The following ADGRL2 variants were observed in gnomAD, a reference collection of about 807,000 sequenced individuals.
ADGRL2 encodes the protein calcium-independent alpha-latrotoxin receptor 2.
Under a neutral mutation model 157.4 loss-of-function variants are expected in ADGRL2, and 44 were observed. The observed-to-expected ratio is 0.28, with a 90% CI of 0.22 to 0.36. The LOEUF is 0.36. Among genes scored for constraint, ADGRL2 ranks in the 10% least tolerant of loss-of-function variants. The probability of loss-of-function intolerance (pLI) is 1.00; values close to 1 mark genes in which losing one functional copy is unlikely to be tolerated. For synonymous variants in ADGRL2, 585 were observed against 624.7 expected (o/e 0.94, Z 0.95); for missense variants, 1,510 against 1,768.9 (o/e 0.85, Z 2.63).
chr1:81,341,038 CAT>C (rs1472892004), intron 1 of ADGRL2, among the ~76,000 whole-genome samples: 1 of 152,008 alleles, frequency 6.6e-6, no homozygotes, highest in African/African-American at 2.4e-5. Context: ...AAACCTATCA[CAT>C]GTCTAAGGTA....
chr1:81,810,499 T>C (rs575960944), intron 1 of ADGRL2, among the ~76,000 whole-genome samples: 42 of 152,012 alleles, frequency 2.8e-4, no homozygotes, highest in African/African-American at 9.9e-4. Context: ...TGATTAGAAA[T>C]TACAGAACAC....
chr1:81,644,521 C>G (rs1014075625), intron 3 of ADGRL2, among the ~76,000 whole-genome samples: 1 of 152,072 alleles, frequency 6.6e-6, no homozygotes, highest in African/African-American at 2.4e-5. Context: ...TAAAATTCAA[C>G]AATAAGAACA....
chr1:81,349,570 A>G (rs1403233800), intron 1 of ADGRL2, among the ~76,000 whole-genome samples: 1 of 132,756 alleles, frequency 7.5e-6, no homozygotes, highest in African/African-American at 2.9e-5. Flanking sequence ...ACCCCCACCT[A>G]TCTTGCACCA....
intron 1 of ADGRL2, among the ~76,000 whole-genome samples, chr1:81,761,077 A>G (rs61775262): frequency 0.14 from 21,608 of 151,822 alleles, 1,809 homozygotes; most frequent in South Asian, 0.21. Context: ...TTATTCTTCA[A>G]CAACAAAAAC....
chr1:81,540,900 G>A (rs180928999), intron 2 of ADGRL2, among the ~76,000 whole-genome samples: 221 of 152,082 alleles, frequency 1.5e-3, no homozygotes, highest in African/African-American at 5.2e-3. Context: ...TGAGACAAAG[G>A]GGTGGTAATA....
At chr1:81,744,713 A>G (rs532205146) in intron 1 of ADGRL2, among the ~76,000 whole-genome samples, 1 of 152,176 alleles carries the variant, frequency 6.6e-6, no homozygotes, top group Non-Finnish European at 1.5e-5. Flanking sequence ...TCTTATTACA[A>G]GGGACAGGAT....
chr1:81,410,120 T>G (rs1287449305), intron 1 of ADGRL2, among the ~76,000 whole-genome samples: 3 of 152,240 alleles, frequency 2.0e-5, no homozygotes, highest in African/African-American at 7.2e-5. Flanking sequence ...CTTTCTATTA[T>G]TATGACATCT....
At chr1:81,966,648 A>G in intron 13 of ADGRL2, 39 bp downstream of exon 13, 3 of 1,583,408 alleles carry the variant, frequency 1.9e-6, no homozygotes, top group East Asian at 2.2e-5. Flanking sequence ...GGAAGGTTAT[A>G]AAAGCAGAAA....
chr1:81,420,609 T>G (rs1279963418), intron 1 of ADGRL2, among the ~76,000 whole-genome samples: 1 of 152,222 alleles, frequency 6.6e-6, no homozygotes, highest in African/African-American at 2.4e-5. Flanking sequence ...TGCAGAGTGA[T>G]GTTAACACAA....
At chr1:81,710,993 A>G (rs554063513) in intron 1 of ADGRL2, among the ~76,000 whole-genome samples, 7 of 152,302 alleles carry the variant, frequency 4.6e-5, no homozygotes, top group Non-Finnish European at 7.4e-5. Flanking sequence ...ATTTTGTAAC[A>G]TCATGCATTG....
chr1:81,710,944 C>T (rs534198609), intron 1 of ADGRL2, among the ~76,000 whole-genome samples: 1 of 152,042 alleles, frequency 6.6e-6, no homozygotes, highest in Non-Finnish European at 1.5e-5. Context: ...GTTAATCTTA[C>T]ATTTTGGATA....
Position 81,530,166 on chromosome 1 carries a change from C to T in ADGRL2, c.-247-50710C>T, listed in dbSNP as rs138168396. The stretch of plus-strand genomic sequence containing the variant: ...GGCCTAGCACCTGGTAGTGACAGGC[C>T]TAGAAGTTGAGGATGAATGTACCCT... On this transcript the variant is annotated intron_variant, in intron 2 of 24. Transcript: ENST00000370721. 2.1e-3 allele frequency among the ~76,000 whole-genome samples: 324 copies of T among 152,050 alleles called. 4 individuals are homozygous for T. Among genetic ancestry groups the T allele is most frequent in the African/African-American group, 7.3e-3 (301 of 41,482 alleles).
intron 3 of ADGRL2, among the ~76,000 whole-genome samples, chr1:81,919,686 G>T (rs976147390): frequency 1.3e-5 from 2 of 151,748 alleles, no homozygotes; most frequent in Admixed American, 1.3e-4. Flanking sequence ...ACATCCTAAA[G>T]TGTTCTTATC....
At chr1:81,722,433 G>C (rs552545915) in intron 1 of ADGRL2, 9 of 1,158,560 alleles carry the variant, frequency 7.8e-6, no homozygotes, top group East Asian at 7.0e-5. Flanking sequence ...CTGAATTTGC[G>C]CTTGGCCGTT....
chr1:81,344,141 T>C (rs1180983696), intron 1 of ADGRL2, among the ~76,000 whole-genome samples: 2 of 152,098 alleles, frequency 1.3e-5, no homozygotes, highest in Non-Finnish European at 2.9e-5. Flanking sequence ...CAATCTCAGC[T>C]CACTGCAACC....
At chr1:81,601,716 G>C (rs1452293163) in intron 3 of ADGRL2, among the ~76,000 whole-genome samples, 1 of 152,142 alleles carries the variant, frequency 6.6e-6, no homozygotes, top group Non-Finnish European at 1.5e-5. Context: ...AGTTAATAAC[G>C]TCCTCCACAG....
chr1:81,849,869 T>TTGTTGCTTA (rs1426738129), intron 2 of ADGRL2, among the ~76,000 whole-genome samples: 1 of 151,930 alleles, frequency 6.6e-6, no homozygotes, highest in Non-Finnish European at 1.5e-5. Context: ...AGAAGATAAA[T>TTGTTGCTTA]ACATACAAAT....
intron 1 of ADGRL2, among the ~76,000 whole-genome samples, chr1:81,383,912 C>T (rs1316280091): frequency 6.8e-6 from 1 of 147,722 alleles, no homozygotes. Context: ...CGAGATCACA[C>T]CACTGCACTC....
chr1:81,781,065 A>C (rs1201571508), intron 2 of ADGRL2, among the ~76,000 whole-genome samples: 1 of 152,098 alleles, frequency 6.6e-6, no homozygotes, highest in East Asian at 1.9e-4. Context: ...TGTTTTACTT[A>C]TTTATTTATT....
Sources: allele counts gnomAD v4.1 joint callset (sites outside exome capture counted in the v4.1 genomes callset), GRCh38; gene constraint gnomAD v4.1.1; transcripts MANE v1.5; gene names NCBI Gene and HGNC (gene_info 2026-07-23, HGNC 2026-07-21).